The following MACROD2 variants were observed in gnomAD, a reference collection of about 807,000 sequenced individuals.
MACROD2 encodes ADP-ribose glycohydrolase MACROD2.
A neutral mutation model predicts 70.4 loss-of-function variants in MACROD2; 36 were observed. The observed-to-expected ratio is 0.51, with a 90% CI of 0.39 to 0.68. The LOEUF is 0.68. MACROD2 is among the 30% of genes least tolerant of loss of function. The probability of loss-of-function intolerance (pLI) is 0.00; values close to 1 mark genes in which losing one functional copy is unlikely to be tolerated. For missense variants in MACROD2, 496 were observed against 538.4 expected (o/e 0.92, Z 0.78); for synonymous variants, 172 against 178.8 (o/e 0.96, Z 0.30).
chr20:16,030,864 A>G (rs1169212440), intron 15 of MACROD2, among the ~76,000 whole-genome samples: 1 of 152,014 alleles, frequency 6.6e-6, no homozygotes, highest in African/African-American at 2.4e-5. Flanking sequence ...AAATGTCTTA[A>G]AACAAAGGGA....
chr20:14,536,119 A>G (rs1477118068), intron 4 of MACROD2, among the ~76,000 whole-genome samples: 1 of 152,216 alleles, frequency 6.6e-6, no homozygotes, highest in Non-Finnish European at 1.5e-5. Context: ...TACCTACAGT[A>G]TCAAAGAGTT....
chr20:14,232,521 T>C (rs1277663323), intron 3 of MACROD2, among the ~76,000 whole-genome samples: 3 of 152,252 alleles, frequency 2.0e-5, no homozygotes, highest in African/African-American at 7.2e-5. Context: ...TCTTTCACTT[T>C]TATGTTATGG....
intron 5 of MACROD2, among the ~76,000 whole-genome samples, chr20:14,722,437 G>T (rs2071480715): frequency 6.6e-6 from 1 of 152,140 alleles, no homozygotes; most frequent in African/African-American, 2.4e-5. Flanking sequence ...AGGGCATGTG[G>T]CACAAAGACC....
chr20:14,386,195 A>G (rs2083466429), intron 3 of MACROD2, among the ~76,000 whole-genome samples: 1 of 152,204 alleles, frequency 6.6e-6, no homozygotes. Context: ...ATTTTTAGGA[A>G]GTGGTGGTTT....
intron 6 of MACROD2, among the ~76,000 whole-genome samples, chr20:15,281,510 T>TA (rs1195844998): frequency 6.6e-6 from 1 of 152,170 alleles, no homozygotes; most frequent in East Asian, 1.9e-4. Flanking sequence ...ACAAAGAGGC[T>TA]ACAGGCTCCA....
At chr20:15,074,775 T>C (rs984936129) in intron 5 of MACROD2, among the ~76,000 whole-genome samples, 2 of 152,184 alleles carry the variant, frequency 1.3e-5, no homozygotes, top group African/African-American at 4.8e-5. Flanking sequence ...AAGCGTTCTG[T>C]GTGATGTGAT....
At chr20:14,578,549 G>A (rs546707172) in intron 4 of MACROD2, among the ~76,000 whole-genome samples, 33 of 152,122 alleles carry the variant, frequency 2.2e-4, no homozygotes, top group African/African-American at 7.7e-4. Context: ...ATAACTCAGG[G>A]CCCTTCATTC....
chr20:14,368,316 G>T (rs2083290683), intron 3 of MACROD2, among the ~76,000 whole-genome samples: 2 of 152,168 alleles, frequency 1.3e-5, no homozygotes, highest in Non-Finnish European at 2.9e-5. Context: ...ACTTTGGGAG[G>T]CCGAGGTGGG....
intron 2 of MACROD2, among the ~76,000 whole-genome samples, chr20:14,060,682 C>T (rs570489009): frequency 6.6e-6 from 1 of 152,046 alleles, no homozygotes; most frequent in Admixed American, 6.6e-5. Context: ...AGTGCCAGTC[C>T]ACTTATGCTA....
chr20:14,485,350 G>A (rs1320306973), intron 3 of MACROD2, among the ~76,000 whole-genome samples: 1 of 152,114 alleles, frequency 6.6e-6, no homozygotes, highest in Non-Finnish European at 1.5e-5. Flanking sequence ...AATTTATGTT[G>A]CGTGGCAAAT....
chr20:15,418,721 C>A (rs376306664), intron 6 of MACROD2, among the ~76,000 whole-genome samples: 16 of 152,326 alleles, frequency 1.1e-4, no homozygotes, highest in African/African-American at 3.8e-4. Flanking sequence ...GCACTGGACA[C>A]GTGAAAGACA....
intron 2 of MACROD2, among the ~76,000 whole-genome samples, chr20:14,084,046 A>T (rs1386960832): frequency 8.6e-6 from 1 of 116,068 alleles, no homozygotes. Context: ...TGGGCGTCAG[A>T]GCGAGACTCC....
intron 8 of MACROD2, among the ~76,000 whole-genome samples, chr20:15,832,000 A>T (rs1345345906): frequency 6.6e-6 from 1 of 152,134 alleles, no homozygotes; most frequent in Non-Finnish European, 1.5e-5. Flanking sequence ...TTAATATCTA[A>T]GCCTTACACT....
At chr20:15,340,867 T>G (rs2146206877) in intron 6 of MACROD2, among the ~76,000 whole-genome samples, 1 of 152,268 alleles carries the variant, frequency 6.6e-6, no homozygotes, top group African/African-American at 2.4e-5. Context: ...TGGTAAATTT[T>G]TTGTAAAGAT....
At chr20:15,891,823 A>G (rs1016091321) in intron 10 of MACROD2, among the ~76,000 whole-genome samples, 6 of 152,148 alleles carry the variant, frequency 3.9e-5, no homozygotes, top group African/African-American at 1.4e-4. Flanking sequence ...GAAATGCCTG[A>G]TGAGGTCCTT....
intron 8 of MACROD2, among the ~76,000 whole-genome samples, chr20:15,778,793 G>T (rs2051777715): frequency 6.6e-6 from 1 of 152,034 alleles, no homozygotes; most frequent in Non-Finnish European, 1.5e-5. Context: ...TATTCTTGCA[G>T]AATATCTTCA....
At chr20:15,234,009 A>ATATATATTTTT (rs1555795277) in intron 6 of MACROD2, among the ~76,000 whole-genome samples, 1 of 39,998 alleles carries the variant, frequency 2.5e-5, no homozygotes, top group African/African-American at 8.6e-5. Context: ...ATATATATAT[A>ATATATATTTTT]TTCTTTTTTT....
chr20:15,159,160 T>A (rs1230391216), intron 5 of MACROD2, among the ~76,000 whole-genome samples: 1 of 152,122 alleles, frequency 6.6e-6, no homozygotes, highest in Non-Finnish European at 1.5e-5. Context: ...TACAAAAAAA[T>A]TCTTTTCTAG....
intron 3 of MACROD2, among the ~76,000 whole-genome samples, chr20:14,227,324 C>T (rs965535010): frequency 3.3e-5 from 5 of 152,134 alleles, no homozygotes; most frequent in Non-Finnish European, 5.9e-5. Context: ...ATGGTGGAAG[C>T]TTTGTTCTTT....
Sources: gnomAD v4.1 joint callset for allele counts (sites outside exome capture counted in the v4.1 genomes callset) on GRCh38, gnomAD v4.1.1 for gene constraint, MANE v1.5 for transcripts, NCBI Gene and HGNC (gene_info 2026-07-23, HGNC 2026-07-21) for gene names.